Variants in CDC42SE2 observed in about 807,000 individuals in gnomAD.
CDC42SE2 encodes the protein CDC42 small effector 2, also known as CDC42 small effector protein 2.
A neutral mutation model predicts 11.5 loss-of-function variants in CDC42SE2; 3 were observed. The ratio of observed to expected loss-of-function variants is 0.26; its 90% CI spans 0.12 to 0.67. The LOEUF (loss-of-function observed/expected upper bound fraction) is 0.67. Ranked by LOEUF, CDC42SE2 falls within the 30% of genes least tolerant of loss-of-function variation. CDC42SE2 has a pLI of 0.80. For missense variants in CDC42SE2, 82 were observed against 106.8 expected, an observed-to-expected ratio of 0.77 and a Z score of 1.02; for synonymous variants, 33 against 34.8, an observed-to-expected ratio of 0.95 and a Z score of 0.18.
chr5:131,315,401 G>C (rs1758020645), intron 1 of CDC42SE2, among the ~76,000 whole-genome samples: 1 of 152,140 alleles, frequency 6.6e-6, no homozygotes, highest in Non-Finnish European at 1.5e-5. Context: ...TGTTCCCTGG[G>C]AGCTATTAGA....
rs567088152 is a variant in CDC42SE2 at position 131,284,656 on chromosome 5, T to C, written c.-455+20490T>C. On this transcript the variant is annotated intron_variant, in intron 1 of 4. Coordinates refer to ENST00000505065, the MANE Select transcript of CDC42SE2 (RefSeq NM_001375635.1). ...CAGCTAATTTAAAAATTTTTTTTGG[T>C]AGAGATAGGGTCTTGCTCTGTTGCC... 2.6e-4 allele frequency among the ~76,000 whole-genome samples: 39 copies of C among 152,106 alleles called. No individual in the cohort carries two copies. In the East Asian group the frequency reaches 3.1e-3, roughly 12 times the overall value.
At position 131,313,031 on chromosome 5, in the gene CDC42SE2, G is replaced by T. The variant is rs938751390; in HGVS notation, c.-454-2945G>T. Among the ~76,000 whole-genome samples, 9 of 151,366 alleles carry T rather than the reference G, an allele frequency of 5.9e-5. No individual in the cohort carries two copies. In the South Asian group the frequency reaches 1.5e-3, roughly 25 times the overall value. On this transcript the variant is annotated intron_variant, in intron 1 of 4. Coordinates refer to ENST00000505065, the MANE Select transcript of CDC42SE2 (RefSeq NM_001375635.1). The stretch of plus-strand genomic sequence containing the variant: ...GGAGTCTTGCTCTGTCACCCAGGCT[G>T]TAGTGCAGTGGCGTGATCTTGGCTC...
At chr5:131,240,340 C>T in the CDC42SE2 span, among the ~76,000 whole-genome samples, 1 of 152,142 alleles carries the variant, frequency 6.6e-6, no homozygotes, top group Non-Finnish European at 1.5e-5. Context: ...GGCTACCTGT[C>T]AAACTACATT....
the CDC42SE2 span, among the ~76,000 whole-genome samples, chr5:131,233,622 C>T: frequency 6.6e-6 from 1 of 152,220 alleles, no homozygotes; most frequent in Non-Finnish European, 1.5e-5. Context: ...TGCCCCTGGC[C>T]TCCCAAAGTG....
chr5:131,246,754 T>A (rs1158972539), intron 1 of CDC42SE2, among the ~76,000 whole-genome samples: 2 of 141,058 alleles, frequency 1.4e-5, no homozygotes, highest in African/African-American at 2.5e-5. Flanking sequence ...TATTTTTCAC[T>A]CAAATCCTTT....
the CDC42SE2 span, among the ~76,000 whole-genome samples, chr5:131,216,207 GCTCACGCCTGTAATCCCAGCAC>G: frequency 2.6e-5 from 4 of 152,130 alleles, no homozygotes; most frequent in Non-Finnish European, 4.4e-5. Context: ...CAGCACAGTA[GCTCACGCCTGTAATCCCAGCAC>G]CTCACGCCTG....
At chr5:131,288,503 C>T (rs931558134) in intron 1 of CDC42SE2, among the ~76,000 whole-genome samples, 2 of 152,006 alleles carry the variant, frequency 1.3e-5, no homozygotes, top group South Asian at 2.1e-4. Flanking sequence ...AATTTCGATT[C>T]CTTTTTTTTT....
chr5:131,274,095 A>G (rs943338129), intron 1 of CDC42SE2, among the ~76,000 whole-genome samples: 1 of 152,154 alleles, frequency 6.6e-6, no homozygotes, highest in African/African-American at 2.4e-5. Context: ...CAAACTAAAA[A>G]TGTTATCTTT....
At chr5:131,222,489 T>C in the CDC42SE2 span, among the ~76,000 whole-genome samples, 1 of 152,238 alleles carries the variant, frequency 6.6e-6, no homozygotes. Flanking sequence ...GCACTGAACA[T>C]GTTAGCTATT....
chr5:131,228,797 A>G, the CDC42SE2 span, among the ~76,000 whole-genome samples: 5 of 152,184 alleles, frequency 3.3e-5, no homozygotes, highest in African/African-American at 1.2e-4. Flanking sequence ...GAGTTTGCTA[A>G]CTTGCTCCCT....
At chr5:131,288,240 G>T (rs181293277) in intron 1 of CDC42SE2, among the ~76,000 whole-genome samples, 28 of 151,872 alleles carry the variant, frequency 1.8e-4, no homozygotes, top group Middle Eastern at 3.4e-3. Context: ...AAAAAAAATT[G>T]TGGTAATGTT....
chr5:131,233,644 G>C, the CDC42SE2 span, among the ~76,000 whole-genome samples: 2 of 152,196 alleles, frequency 1.3e-5, no homozygotes, highest in Non-Finnish European at 2.9e-5. Context: ...TGGGATTACA[G>C]GTGTAAGCTG....
chr5:131,353,527 C>T (rs1749420782), intron 2 of CDC42SE2, among the ~76,000 whole-genome samples: 1 of 152,132 alleles, frequency 6.6e-6, no homozygotes, highest in African/African-American at 2.4e-5. Context: ...TGTAATCCTC[C>T]CACTTTAGCC....
At chr5:131,308,609 C>G (rs1425515727) in intron 1 of CDC42SE2, among the ~76,000 whole-genome samples, 1 of 151,442 alleles carries the variant, frequency 6.6e-6, no homozygotes, top group Non-Finnish European at 1.5e-5. Flanking sequence ...TTTGTATCCT[C>G]TTTTATTTCC....
intron 3 of CDC42SE2, among the ~76,000 whole-genome samples, chr5:131,363,666 C>T (rs972927285): frequency 3.3e-5 from 5 of 149,880 alleles, no homozygotes; most frequent in Admixed American, 1.3e-4. Context: ...TGTGAGCCAC[C>T]GCGCCCGGCC....
At chr5:131,268,107 G>T (rs865855994) in intron 1 of CDC42SE2, among the ~76,000 whole-genome samples, 82 of 126,990 alleles carry the variant, frequency 6.5e-4, no homozygotes, top group African/African-American at 2.5e-3. Flanking sequence ...TTTGCCCCCA[G>T]GCTGGAGTGC....
At position 131,337,810 on chromosome 5, in the gene CDC42SE2, C is replaced by T. The variant is rs148183568; in HGVS notation, c.-285-21399C>T. On this transcript the variant is annotated intron_variant, in intron 2 of 4. Coordinates refer to ENST00000505065, the MANE Select transcript of CDC42SE2 (RefSeq NM_001375635.1). ...CTCCTGGTGTGCCGTTTGTGAAGCC[C>T]GTTGGAAAAGCACAGCATTAGGGTG... Among the ~76,000 whole-genome samples, 508 of 152,340 alleles carry T rather than the reference C, an allele frequency of 3.3e-3. 4 individuals carry two copies. The highest frequency in any genetic ancestry group is 0.011 in the African/African-American group (474 of 41,586).
intron 1 of CDC42SE2, among the ~76,000 whole-genome samples, chr5:131,299,996 C>CA: frequency 6.6e-6 from 1 of 152,276 alleles, no homozygotes; most frequent in Middle Eastern, 3.4e-3. Flanking sequence ...CCCAGCCTGT[C>CA]ACAGTATCTG....
intron 1 of CDC42SE2, among the ~76,000 whole-genome samples, chr5:131,299,421 C>T (rs1201920981): frequency 6.6e-6 from 1 of 151,992 alleles, no homozygotes; most frequent in East Asian, 1.9e-4. Flanking sequence ...AGAACATGGC[C>T]GTTTGGCTGT....
Sources: allele counts gnomAD v4.1 joint callset (sites outside exome capture counted in the v4.1 genomes callset), GRCh38; gene constraint gnomAD v4.1.1; transcripts MANE v1.5; gene names NCBI Gene and HGNC (gene_info 2026-07-23, HGNC 2026-07-21).